Variants in FGF14 observed in about 807,000 individuals in gnomAD.
FGF14 encodes the protein fibroblast growth factor homologous factor 4.
In FGF14, 5 loss-of-function variants were observed where a neutral mutation model predicts 25.5. The observed-to-expected ratio is 0.20, with a 90% confidence interval of 0.10 to 0.41. The LOEUF (loss-of-function observed/expected upper bound fraction) is 0.41. Among genes scored for constraint, FGF14 ranks in the 10% least tolerant of loss-of-function variants. The probability of loss-of-function intolerance (pLI) is 1.00; values close to 1 mark genes in which losing one functional copy is unlikely to be tolerated. For missense variants in FGF14, 222 were observed against 320.1 expected, an observed-to-expected ratio of 0.69 and a Z score of 2.34; for synonymous variants, 138 against 118.3, an observed-to-expected ratio of 1.17 and a Z score of -1.08.
chr13:101,728,835 C>CA (rs2035617654), intron 3 of FGF14, among the ~76,000 whole-genome samples: 1 of 152,142 alleles, frequency 6.6e-6, no homozygotes, highest in Non-Finnish European at 1.5e-5. Flanking sequence ...CTCACTGATG[C>CA]TCATCCTGTT....
At chr13:101,904,494 T>C (rs1035251507) in intron 1 of FGF14, among the ~76,000 whole-genome samples, 6 of 152,126 alleles carry the variant, frequency 3.9e-5, no homozygotes, top group East Asian at 1.9e-4. Flanking sequence ...TGCTAAAAAA[T>C]GGATATTGCA....
Position 102,068,286 on chromosome 13 carries a change from C to T in FGF14, c.209-192990G>A, listed in dbSNP as rs139090121. 3.1e-3 allele frequency among the ~76,000 whole-genome samples: 475 copies of T among 152,308 alleles called. 3 individuals are homozygous for T. Among genetic ancestry groups the T allele is most frequent in the Non-Finnish European group, 4.7e-3 (319 of 68,014 alleles). ...AAGCAAGAGCAAACCAGGCTGGGCA[C>T]GATGGTGAGAGGTGACAGCGTGCTG... On this transcript the variant is annotated intron_variant, in intron 1 of 4. Coordinates refer to the FGF14 transcript ENST00000376131.
In FGF14 at chr13:102,252,975, C is replaced by T. The variant is rs187957024; in HGVS notation, c.208+148496G>A. Among the ~76,000 whole-genome samples, 339 of 152,218 alleles carry T rather than the reference C, an allele frequency of 2.2e-3. 4 individuals carry two copies. The highest frequency in any genetic ancestry group is 0.02 in the Admixed American group (308 of 15,288). ...GAGAATGATGGTTTCCAGCTCCATC[C>T]ATGTCCCTGCAAAGGACAAGAACTC... On this transcript the variant is annotated intron_variant, in intron 1 of 4. Coordinates refer to the FGF14 transcript ENST00000376131.
At chr13:102,277,908 T>C (rs59188300) in intron 1 of FGF14, among the ~76,000 whole-genome samples, 5,982 of 152,318 alleles carry the variant, frequency 0.039, 393 homozygotes, top group African/African-American at 0.13. Context: ...ATTACCTGTA[T>C]TGGACTGCAA....
intron 1 of FGF14, among the ~76,000 whole-genome samples, chr13:102,132,583 C>T (rs1037093550): frequency 1.2e-4 from 18 of 151,492 alleles, no homozygotes; most frequent in African/African-American, 4.1e-4. Flanking sequence ...CTCACTGCAA[C>T]CTCTGCCTCC....
chr13:101,924,236 T>C (rs1240279616), intron 1 of FGF14, among the ~76,000 whole-genome samples: 2 of 152,118 alleles, frequency 1.3e-5, no homozygotes, highest in Non-Finnish European at 2.9e-5. Context: ...TTTTCATATT[T>C]AGCACTGTAA....
intron 1 of FGF14, among the ~76,000 whole-genome samples, chr13:101,916,119 G>A (rs907703402): frequency 6.6e-6 from 1 of 152,204 alleles, no homozygotes; most frequent in African/African-American, 2.4e-5. Context: ...GGGGTGCCCC[G>A]CGTTCCAGAG....
intron 1 of FGF14, among the ~76,000 whole-genome samples, chr13:101,950,849 A>C (rs1294071630): frequency 1.4e-5 from 2 of 142,710 alleles, no homozygotes; most frequent in Non-Finnish European, 3.1e-5. Context: ...CAAGTGGTCA[A>C]ATTAAAAAAT....
At chr13:102,107,132 C>G (rs1176618852) in intron 1 of FGF14, among the ~76,000 whole-genome samples, 1 of 141,018 alleles carries the variant, frequency 7.1e-6, no homozygotes, top group African/African-American at 2.4e-5. Context: ...TTAGAGACAA[C>G]TTTTATAAAA....
At chr13:101,843,857 G>A (rs141033879) in intron 3 of FGF14, among the ~76,000 whole-genome samples, 47 of 152,098 alleles carry the variant, frequency 3.1e-4, no homozygotes, top group African/African-American at 1.0e-3. Context: ...GTCAAACTCT[G>A]TGGGATTTAC....
intron 1 of FGF14, among the ~76,000 whole-genome samples, chr13:102,374,660 A>ATG (rs1258530760): frequency 1.3e-5 from 1 of 74,364 alleles, no homozygotes; most frequent in Admixed American, 1.2e-4. Flanking sequence ...ATATATATAT[A>ATG]TATATATATA....
intron 2 of FGF14, among the ~76,000 whole-genome samples, chr13:101,872,244 G>T (rs540494685): frequency 1.3e-5 from 2 of 150,446 alleles, no homozygotes; most frequent in East Asian, 4.0e-4. Flanking sequence ...TGTATTCAGG[G>T]AGTCATAAAA....
chr13:102,177,526 T>TA (rs2048497378), intron 1 of FGF14, among the ~76,000 whole-genome samples: 1 of 152,188 alleles, frequency 6.6e-6, no homozygotes, highest in Admixed American at 6.6e-5. Flanking sequence ...CAGTGTCTGT[T>TA]ACTTTTCAGA....
intron 1 of FGF14, among the ~76,000 whole-genome samples, chr13:102,248,193 C>T (rs1048173198): frequency 2.0e-5 from 3 of 152,130 alleles, no homozygotes; most frequent in African/African-American, 7.2e-5. Flanking sequence ...ACCCCCACAA[C>T]ACGAGTTTAT....
At chr13:102,369,624 A>G (rs560405596) in intron 1 of FGF14, among the ~76,000 whole-genome samples, 1 of 152,308 alleles carries the variant, frequency 6.6e-6, no homozygotes, top group Non-Finnish European at 1.5e-5. Context: ...TTGCTGCCTT[A>G]GAGTCTGGGT....
At chr13:102,160,511 C>T (rs551479053) in intron 1 of FGF14, among the ~76,000 whole-genome samples, 56 of 152,260 alleles carry the variant, frequency 3.7e-4, no homozygotes, top group South Asian at 2.3e-3. Flanking sequence ...AACTTAGGAA[C>T]ACATGAGCAA....
At chr13:102,118,394 C>CTTAAT (rs2045569726) in intron 1 of FGF14, among the ~76,000 whole-genome samples, 1 of 151,768 alleles carries the variant, frequency 6.6e-6, no homozygotes, top group South Asian at 2.1e-4. Context: ...ACTTTGACAA[C>CTTAAT]GGACCAAGAA....
chr13:101,901,709 A>C (rs899627361), intron 1 of FGF14, among the ~76,000 whole-genome samples: 2 of 152,116 alleles, frequency 1.3e-5, no homozygotes, highest in African/African-American at 4.8e-5. Flanking sequence ...GTCTCAAAAA[A>C]CAAACAAATA....
At position 101,722,551 on chromosome 13, in the gene FGF14, A is replaced by ATGAAG. The variant is rs2035064639; in HGVS notation, c.*275_*279dup. ...TGTACTTGTGAAGTATGTCATTCAC[A>ATGAAG]TGAAGTGTCACAGTCACAGAAAAGA... On this transcript the variant is annotated 3_prime_UTR_variant, in exon 5 of 5. Coordinates refer to ENST00000376143, the MANE Select transcript of FGF14 (RefSeq NM_004115.4). 4.2e-6 allele frequency: 2 copies of ATGAAG among 472,756 alleles called. No homozygotes were observed. Among genetic ancestry groups the ATGAAG allele is most frequent in the East Asian group, 8.3e-5 (2 of 23,970 alleles). The allele number at this position is 472,756 out of a possible 1,614,324, so 29.3% of individuals were successfully genotyped here.
Sources: allele counts gnomAD v4.1 joint callset (sites outside exome capture counted in the v4.1 genomes callset), GRCh38; gene constraint gnomAD v4.1.1; transcripts MANE v1.5; gene names NCBI Gene and HGNC (gene_info 2026-07-23, HGNC 2026-07-21).